PPFIA2: variants seen among roughly 807,000 people sequenced by gnomAD.
PPFIA2 encodes liprin-alpha-2.
Under a neutral mutation model 175.5 loss-of-function variants are expected in PPFIA2, and 46 were observed. That is an observed-to-expected ratio of 0.26 (90% CI 0.21 to 0.34). The LOEUF is 0.34. Ranked by LOEUF, PPFIA2 falls within the 10% of genes least tolerant of loss-of-function variation. The pLI is 1.00. For synonymous variants in PPFIA2, 568 were observed against 511.4 expected (o/e 1.11, Z -1.49); for missense variants, 1,179 against 1,506.1 (o/e 0.78, Z 3.60).
At chr12:81,642,733 A>ACGTGCATG (rs1344823037) in intron 4 of PPFIA2, among the ~76,000 whole-genome samples, 2 of 8,116 alleles carry the variant, frequency 2.5e-4, no homozygotes, top group African/African-American at 1.1e-3. Context: ...ACATACATGT[A>ACGTGCATG]TATGTATGTA....
intron 5 of PPFIA2, among the ~76,000 whole-genome samples, chr12:81,445,992 G>C (rs1233668091): frequency 6.6e-6 from 1 of 152,152 alleles, no homozygotes; most frequent in Non-Finnish European, 1.5e-5. Context: ...AATAATTTCA[G>C]TACGAATTCA....
At chr12:81,343,389 G>A (rs1023489772) in intron 19 of PPFIA2, among the ~76,000 whole-genome samples, 1 of 151,974 alleles carries the variant, frequency 6.6e-6, no homozygotes, top group African/African-American at 2.4e-5. Context: ...CATTATACTT[G>A]GTAAATTTGG....
chr12:81,262,257 T>C (rs566485653), intron 31 of PPFIA2, among the ~76,000 whole-genome samples: 5 of 152,304 alleles, frequency 3.3e-5, no homozygotes, highest in African/African-American at 1.2e-4. Context: ...TTGTTATGTA[T>C]TCTTCCTTAG....
chr12:81,509,459 G>A (rs899171614), intron 4 of PPFIA2, among the ~76,000 whole-genome samples: 5 of 152,120 alleles, frequency 3.3e-5, no homozygotes, highest in Non-Finnish European at 5.9e-5. Flanking sequence ...TTTATTTGCA[G>A]GCATTTATAT....
Position 81,446,504 on chromosome 12 carries a change from T to TA in PPFIA2, c.406-785dup, listed in dbSNP as rs372071037. The stretch of plus-strand genomic sequence containing the variant: ...TCATTTCAAAAGGAAGTTCTACTGC[T>TA]AAAAAACAAAGATACATGAGAAGAA... On this transcript the variant is annotated intron_variant, in intron 5 of 32. Coordinates refer to ENST00000549396, the MANE Select transcript of PPFIA2 (RefSeq NM_003625.5). Among the ~76,000 whole-genome samples the TA allele has an allele frequency of 7.7e-3, 1,177 of 152,308 alleles. 14 individuals carry two copies. Among genetic ancestry groups the TA allele is most frequent in the African/African-American group, 0.027 (1,112 of 41,578 alleles).
intron 7 of PPFIA2, among the ~76,000 whole-genome samples, chr12:81,422,088 GTA>G (rs1421754345): frequency 2.4e-5 from 3 of 123,598 alleles, no homozygotes; most frequent in South Asian, 2.5e-4. Context: ...ATATATATGT[GTA>G]TATATATGTG....
At chr12:81,573,340 C>T (rs1044024001) in intron 4 of PPFIA2, among the ~76,000 whole-genome samples, 3 of 151,720 alleles carry the variant, frequency 2.0e-5, no homozygotes, top group Non-Finnish European at 4.4e-5. Flanking sequence ...TTCTCTGCAG[C>T]GGTGAGAAAA....
intron 5 of PPFIA2, among the ~76,000 whole-genome samples, chr12:81,450,072 G>C (rs1008564186): frequency 2.6e-5 from 4 of 152,018 alleles, no homozygotes; most frequent in Non-Finnish European, 5.9e-5. Context: ...CAAGTCTTTG[G>C]TATTGTGAAT....
At chr12:81,677,157 T>C (rs1053011384) in intron 3 of PPFIA2, among the ~76,000 whole-genome samples, 3 of 151,984 alleles carry the variant, frequency 2.0e-5, no homozygotes, top group African/African-American at 7.2e-5. Flanking sequence ...CAGTTTAACG[T>C]ACTATTTTGA....
intron 4 of PPFIA2, among the ~76,000 whole-genome samples, chr12:81,532,297 T>C (rs1279199407): frequency 2.6e-5 from 4 of 151,696 alleles, no homozygotes; most frequent in African/African-American, 9.7e-5. Context: ...CTAAGTCTAT[T>C]TGTAGAAATA....
At chr12:81,562,256 AAGT>A (rs2070261042) in intron 4 of PPFIA2, among the ~76,000 whole-genome samples, 2 of 152,208 alleles carry the variant, frequency 1.3e-5, no homozygotes, top group African/African-American at 4.8e-5. Flanking sequence ...TAAAAGTAGT[AAGT>A]TATAAGAAGA....
chr12:81,671,291 C>T (rs1052459981), intron 4 of PPFIA2, among the ~76,000 whole-genome samples: 3 of 152,044 alleles, frequency 2.0e-5, no homozygotes, highest in East Asian at 1.9e-4. Flanking sequence ...TGTATGTTCA[C>T]CATGTTCTCA....
Position 81,257,987 on chromosome 12 carries a change from G to A in PPFIA2, c.*1707C>T, listed in dbSNP as rs1157388978. 2 of 152,034 alleles carry A rather than the reference G, an allele frequency of 1.3e-5. No homozygotes were observed. Among genetic ancestry groups the A allele is most frequent in the Non-Finnish European group, 2.9e-5 (2 of 67,988 alleles). 9.4% of individuals were successfully genotyped at this position (152,034 alleles called of 1,614,324 possible). A position where few individuals can be genotyped will look rare whatever the true frequency, so the allele number is the denominator to read the frequency against. On this transcript the variant is annotated 3_prime_UTR_variant, in exon 33 of 33. Coordinates refer to ENST00000549396, the MANE Select transcript of PPFIA2 (RefSeq NM_003625.5). ...AATAGTAGATACAAATCTAGTTATG[G>A]CATTATAATGTCGTAGTTCCTATAT...
intron 7 of PPFIA2, among the ~76,000 whole-genome samples, chr12:81,439,656 A>G (rs997738456): frequency 6.6e-6 from 1 of 152,102 alleles, no homozygotes; most frequent in Non-Finnish European, 1.5e-5. Flanking sequence ...GTTATTTGAT[A>G]TGTGTTCCAA....
chr12:81,614,170 A>G (rs775837147), intron 4 of PPFIA2, among the ~76,000 whole-genome samples: 4 of 152,148 alleles, frequency 2.6e-5, no homozygotes, highest in Non-Finnish European at 2.9e-5. Context: ...ACTTGCCTAA[A>G]TGCACACACA....
chr12:81,518,962 C>G (rs2062789823), intron 4 of PPFIA2, among the ~76,000 whole-genome samples: 1 of 151,996 alleles, frequency 6.6e-6, no homozygotes, highest in Non-Finnish European at 1.5e-5. Context: ...TAAAACAAAC[C>G]TTTAAAGCCT....
At chr12:81,598,152 C>T in intron 4 of PPFIA2, 2 of 1,470,096 alleles carry the variant, frequency 1.4e-6, no homozygotes, top group Non-Finnish European at 1.8e-6. Context: ...AAATCTGCCC[C>T]ATCCTTCTTA....
chr12:81,454,987 T>C (rs1433214289), intron 5 of PPFIA2, among the ~76,000 whole-genome samples: 1 of 152,188 alleles, frequency 6.6e-6, no homozygotes, highest in Non-Finnish European at 1.5e-5. Flanking sequence ...CAGCTGAGGT[T>C]ACAGGCATGT....
intron 7 of PPFIA2, among the ~76,000 whole-genome samples, chr12:81,408,890 T>G (rs566578450): frequency 6.6e-6 from 1 of 152,302 alleles, no homozygotes; most frequent in African/African-American, 2.4e-5. Context: ...CCTGGGTAGT[T>G]ATGAAACCAA....
Sources: allele counts gnomAD v4.1 joint callset (sites outside exome capture counted in the v4.1 genomes callset), GRCh38; gene constraint gnomAD v4.1.1; transcripts MANE v1.5; gene names NCBI Gene and HGNC (gene_info 2026-07-23, HGNC 2026-07-21).